The following CCDC7 variants were observed in gnomAD, a reference collection of about 807,000 sequenced individuals.
The protein encoded by CCDC7 is coiled-coil domain-containing protein 7.
Under a neutral mutation model 196.9 loss-of-function variants are expected in CCDC7, and 183 were observed. That is an observed-to-expected ratio of 0.93 (90% CI 0.82 to 1.05). The LOEUF (loss-of-function observed/expected upper bound fraction) is 1.05. Ranked by LOEUF, CCDC7 falls within the 50% of genes least tolerant of loss-of-function variation. The probability of loss-of-function intolerance (pLI) is 0.00; values close to 1 mark genes in which losing one functional copy is unlikely to be tolerated. For synonymous variants in CCDC7, 525 were observed against 484.6 expected, an observed-to-expected ratio of 1.08 and a Z score of -1.10; for missense variants, 1,540 against 1,482.2, an observed-to-expected ratio of 1.04 and a Z score of -0.64.
At chr10:32,670,804 TTTTG>T (rs1347072191) in intron 21 of CCDC7, among the ~76,000 whole-genome samples, 2 of 152,116 alleles carry the variant, frequency 1.3e-5, no homozygotes, top group African/African-American at 2.4e-5. Context: ...CTAGTATCTA[TTTTG>T]TTTATTTCTT....
Position 32,604,792 on chromosome 10 carries a change from G to C in CCDC7, c.1801+20488G>C, listed in dbSNP as rs184867561. On this transcript the variant is annotated intron_variant, in intron 18 of 41. Coordinates refer to ENST00000639629, the Ensembl canonical transcript of CCDC7. ...TGACTTTGTATGCCATAAATTTATTGAATTCATTGAGCAGTTTTACGAGTT... is the reference window on the plus strand; with the variant it reads ...TGACTTTGTATGCCATAAATTTATTCAATTCATTGAGCAGTTTTACGAGTT... Among the ~76,000 whole-genome samples, 25 of 151,614 alleles carry C rather than the reference G, an allele frequency of 1.6e-4. No individual in the cohort carries two copies. In the East Asian group the frequency reaches 4.5e-3, roughly 27 times the overall value.
In CCDC7 at chr10:32,806,023, G is replaced by A. The variant is rs2085764145; in HGVS notation, c.3097+925G>A. ...AGGTGCTACATACTTTTGAACAACTGGATCTCACAAGAACTCATATACTAT... is the reference window on the plus strand; with the variant it reads ...AGGTGCTACATACTTTTGAACAACTAGATCTCACAAGAACTCATATACTAT... On this transcript the variant is annotated intron_variant, in intron 30 of 41. Coordinates refer to ENST00000639629, the Ensembl canonical transcript of CCDC7. Among the ~76,000 whole-genome samples the A allele has an allele frequency of 2.6e-5, 4 of 152,096 alleles. No individual in the cohort carries two copies. In the South Asian group the frequency reaches 8.3e-4, roughly 31 times the overall value.
chr10:32,834,467 T>A (rs2092444905), intron 32 of CCDC7, among the ~76,000 whole-genome samples: 2 of 152,072 alleles, frequency 1.3e-5, no homozygotes, highest in African/African-American at 4.8e-5. Context: ...CTCTCTAGGA[T>A]AATTTCAGTT....
chr10:32,718,531 G>C (rs982027540), intron 25 of CCDC7, among the ~76,000 whole-genome samples: 6 of 150,328 alleles, frequency 4.0e-5, no homozygotes, highest in African/African-American at 1.3e-4. Flanking sequence ...AGGGCAATTA[G>C]GGAAGAGAAA....
chr10:32,684,484 C>A (rs1485484483), intron 21 of CCDC7, among the ~76,000 whole-genome samples: 1 of 152,180 alleles, frequency 6.6e-6, no homozygotes, highest in African/African-American at 2.4e-5. Flanking sequence ...GGTGGGGAGC[C>A]TTCCCTGGCT....
At chr10:32,642,001 G>A (rs986260195) in intron 20 of CCDC7, among the ~76,000 whole-genome samples, 24 of 152,158 alleles carry the variant, frequency 1.6e-4, no homozygotes, top group African/African-American at 1.9e-4. Flanking sequence ...CTTCCTGATC[G>A]TTTCTCTGGA....
At chr10:32,480,829 T>G (rs532338325) in intron 8 of CCDC7, among the ~76,000 whole-genome samples, 1 of 152,320 alleles carries the variant, frequency 6.6e-6, no homozygotes, top group South Asian at 2.1e-4. Flanking sequence ...CTCCTGCTGT[T>G]GAATGGACTA....
intron 22 of CCDC7, among the ~76,000 whole-genome samples, chr10:32,688,760 C>T (rs987673032): frequency 6.6e-6 from 1 of 152,086 alleles, no homozygotes; most frequent in Non-Finnish European, 1.5e-5. Flanking sequence ...TATGCATTTT[C>T]ATTGTTTGGT....
At chr10:32,548,324 A>T (rs1720979916) in intron 13 of CCDC7, among the ~76,000 whole-genome samples, 1 of 152,180 alleles carries the variant, frequency 6.6e-6, no homozygotes, top group Admixed American at 6.5e-5. Context: ...GTAGTTTGGC[A>T]GGAAGGGCAG....
chr10:32,698,980 A>G (rs191634585), intron 24 of CCDC7, among the ~76,000 whole-genome samples: 10 of 152,348 alleles, frequency 6.6e-5, no homozygotes, highest in African/African-American at 2.2e-4. Flanking sequence ...CACAAAGGGA[A>G]GCCCATCAGA....
At chr10:32,485,089 G>T (rs572152021) in intron 8 of CCDC7, among the ~76,000 whole-genome samples, 14 of 152,208 alleles carry the variant, frequency 9.2e-5, no homozygotes, top group Admixed American at 8.5e-4. Flanking sequence ...GCTCCTCCTT[G>T]TACCTCTGGT....
Position 32,644,045 on chromosome 10 carries a change from C to G in CCDC7, c.2014+8887C>G, listed in dbSNP as rs12220874. Among the ~76,000 whole-genome samples, 372 of 152,004 alleles carry G rather than the reference C, an allele frequency of 2.4e-3. 1 individual carries two copies. Among genetic ancestry groups the G allele is most frequent in the African/African-American group, 8.7e-3 (361 of 41,496 alleles). Reference sequence around the variant, plus strand: ...ACTCTTTATTGTAGTCTAAGCCTCTCTTCCTTTTTATTTAAGATTTTAATT... The same window carrying G: ...ACTCTTTATTGTAGTCTAAGCCTCTGTTCCTTTTTATTTAAGATTTTAATT... On this transcript the variant is annotated intron_variant, in intron 20 of 41. Transcript: ENST00000639629.
At chr10:32,741,264 T>C (rs2085788947) in intron 28 of CCDC7, among the ~76,000 whole-genome samples, 1 of 152,208 alleles carries the variant, frequency 6.6e-6, no homozygotes, top group Non-Finnish European at 1.5e-5. Flanking sequence ...TTTAATCCTT[T>C]ATTAAAACTC....
chr10:32,480,149 G>A (rs1170219315), intron 8 of CCDC7, among the ~76,000 whole-genome samples: 5 of 151,722 alleles, frequency 3.3e-5, no homozygotes, highest in Admixed American at 6.6e-5. Flanking sequence ...CCAAATCTTA[G>A]TTTTGTTGAA....
At chr10:32,603,740 C>T (rs947769455) in intron 18 of CCDC7, among the ~76,000 whole-genome samples, 1 of 151,796 alleles carries the variant, frequency 6.6e-6, no homozygotes, top group African/African-American at 2.4e-5. Flanking sequence ...TTGCTGCCTG[C>T]TTGTATGTTG....
intron 32 of CCDC7, among the ~76,000 whole-genome samples, 156 bp downstream of exon 33, chr10:32,824,760 T>C (rs2090868637): frequency 6.6e-6 from 1 of 152,202 alleles, no homozygotes; most frequent in Non-Finnish European, 1.5e-5. Context: ...CTAGTATTAT[T>C]CTCAATAGAA....
intron 13 of CCDC7, among the ~76,000 whole-genome samples, chr10:32,554,436 T>C (rs1350638074): frequency 6.6e-6 from 1 of 152,210 alleles, no homozygotes; most frequent in Non-Finnish European, 1.5e-5. Flanking sequence ...AATGGATCCC[T>C]GTGTTTCCAG....
chr10:32,727,946 A>T (rs1321403205), intron 26 of CCDC7, among the ~76,000 whole-genome samples: 1 of 152,144 alleles, frequency 6.6e-6, no homozygotes, highest in Non-Finnish European at 1.5e-5. Context: ...CAGCGTTGTG[A>T]TTCATAGGGC....
At chr10:32,813,962 A>AT (rs1027114045) in intron 30 of CCDC7, among the ~76,000 whole-genome samples, 1 of 151,398 alleles carries the variant, frequency 6.6e-6, no homozygotes. Flanking sequence ...ATTTTCATTT[A>AT]TTTTTTTCTT....
Sources: allele counts gnomAD v4.1 joint callset (sites outside exome capture counted in the v4.1 genomes callset), GRCh38; gene constraint gnomAD v4.1.1; transcripts MANE v1.5; gene names NCBI Gene and HGNC (gene_info 2026-07-23, HGNC 2026-07-21).